SPAG16: variants seen among roughly 807,000 people sequenced by gnomAD.
SPAG16 encodes the protein sperm-associated antigen 16 protein.
Under a neutral mutation model 80.4 loss-of-function variants are expected in SPAG16, and 86 were observed. The ratio of observed to expected loss-of-function variants is 1.07; its 90% confidence interval spans 0.90 to 1.28. The LOEUF is 1.28. Ranked by LOEUF, SPAG16 falls within the 50% of genes most tolerant of loss-of-function variation. SPAG16 has a pLI of 0.00. For missense variants in SPAG16, 870 were observed against 765.3 expected (o/e 1.14, Z -1.61); for synonymous variants, 294 against 265.9 (o/e 1.11, Z -1.03).
At chr2:214,006,364 G>A (rs761933740) in intron 12 of SPAG16, among the ~76,000 whole-genome samples, 13 of 152,144 alleles carry the variant, frequency 8.5e-5, no homozygotes, top group Non-Finnish European at 1.9e-4. Context: ...CATATGTATG[G>A]GAGATGCATT....
intron 13 of SPAG16, among the ~76,000 whole-genome samples, chr2:214,050,958 C>T (rs1559736092): frequency 1.3e-5 from 2 of 152,192 alleles, no homozygotes; most frequent in Non-Finnish European, 2.9e-5. Flanking sequence ...TGAGTAGACT[C>T]AGAATGCAGA....
chr2:213,856,847 A>AGT (rs3045016), intron 10 of SPAG16, among the ~76,000 whole-genome samples: 52,058 of 151,894 alleles, frequency 0.34, 9,364 homozygotes, highest in South Asian at 0.47. Flanking sequence ...ATAACATAAA[A>AGT]GTATGGTGAA....
At chr2:214,167,166 T>C (rs1458445698) in intron 15 of SPAG16, among the ~76,000 whole-genome samples, 1 of 152,126 alleles carries the variant, frequency 6.6e-6, no homozygotes, top group Admixed American at 6.6e-5. Flanking sequence ...AACACTTACA[T>C]AGCATAATTC....
intron 10 of SPAG16, among the ~76,000 whole-genome samples, chr2:213,686,874 G>T (rs1327709557): frequency 6.6e-6 from 1 of 151,108 alleles, no homozygotes; most frequent in African/African-American, 2.4e-5. Context: ...TAGCAGAGGT[G>T]GGGTTTCACT....
chr2:213,905,978 A>G (rs2077413614), intron 11 of SPAG16, among the ~76,000 whole-genome samples: 1 of 152,198 alleles, frequency 6.6e-6, no homozygotes, highest in South Asian at 2.1e-4. Context: ...GCACATTGTA[A>G]TCAACTTTGA....
At chr2:213,928,597 A>G (rs999335008) in intron 11 of SPAG16, among the ~76,000 whole-genome samples, 1 of 152,192 alleles carries the variant, frequency 6.6e-6, no homozygotes, top group Admixed American at 6.5e-5. Context: ...TCTGTCAGAG[A>G]TGCCAGAAAC....
At chr2:213,496,143 C>G (rs1242015868) in intron 10 of SPAG16, among the ~76,000 whole-genome samples, 1 of 152,144 alleles carries the variant, frequency 6.6e-6, no homozygotes, top group Non-Finnish European at 1.5e-5. Context: ...TAGTTAGCAA[C>G]TATTTCAGTA....
At chr2:213,919,728 G>C (rs1218930657) in intron 11 of SPAG16, among the ~76,000 whole-genome samples, 1 of 152,178 alleles carries the variant, frequency 6.6e-6, no homozygotes, top group Non-Finnish European at 1.5e-5. Context: ...GTAGAGTTTA[G>C]AGTATGTGCA....
intron 15 of SPAG16, among the ~76,000 whole-genome samples, chr2:214,368,702 A>G (rs1370454971): frequency 6.6e-6 from 1 of 152,086 alleles, no homozygotes; most frequent in Admixed American, 6.6e-5. Flanking sequence ...AAGATGGTCC[A>G]TCTACTTTGA....
chr2:213,668,766 A>C (rs2063708575), intron 10 of SPAG16, among the ~76,000 whole-genome samples: 1 of 151,988 alleles, frequency 6.6e-6, no homozygotes, highest in Admixed American at 6.6e-5. Context: ...CTCCTGCCTG[A>C]ACCTCCTGAG....
chr2:213,802,020 T>C (rs921912094), intron 10 of SPAG16, among the ~76,000 whole-genome samples: 2 of 152,212 alleles, frequency 1.3e-5, no homozygotes, highest in Admixed American at 1.3e-4. Context: ...TACAACATTT[T>C]CAGGTCACCA....
At chr2:213,524,159 C>G (rs2075792235) in intron 10 of SPAG16, among the ~76,000 whole-genome samples, 1 of 152,160 alleles carries the variant, frequency 6.6e-6, no homozygotes, top group Non-Finnish European at 1.5e-5. Flanking sequence ...GCCATGGCTA[C>G]AAGAACCCAA....
intron 9 of SPAG16, among the ~76,000 whole-genome samples, chr2:213,403,641 G>T (rs1202965229): frequency 1.3e-5 from 2 of 152,082 alleles, no homozygotes; most frequent in Non-Finnish European, 2.9e-5. Context: ...CTTTGAAAAT[G>T]GGCACAAGAC....
intron 9 of SPAG16, among the ~76,000 whole-genome samples, chr2:213,479,195 A>G (rs967136482): frequency 6.7e-6 from 1 of 148,678 alleles, no homozygotes; most frequent in Non-Finnish European, 1.5e-5. Context: ...CTTCTTCTAA[A>G]TATCATCATG....
At chr2:213,552,492 T>C (rs1201977100) in intron 10 of SPAG16, among the ~76,000 whole-genome samples, 4 of 152,244 alleles carry the variant, frequency 2.6e-5, no homozygotes, top group Admixed American at 1.3e-4. Flanking sequence ...TATATGATTC[T>C]TCATTTTCTC....
intron 10 of SPAG16, among the ~76,000 whole-genome samples, chr2:213,669,816 C>A (rs531460068): frequency 2.0e-5 from 3 of 152,080 alleles, no homozygotes; most frequent in Non-Finnish European, 4.4e-5. Flanking sequence ...TGCTTCCACT[C>A]GTAAATTCTC....
chr2:213,490,073 T>C lies in SPAG16; in HGVS notation c.1053T>C (p.His351=). 4 of 1,594,264 alleles carry C rather than the reference T, an allele frequency of 2.5e-6. No homozygotes were observed. The highest frequency in any genetic ancestry group is 3.4e-6 in the Non-Finnish European group (4 of 1,171,854). ...AGCTGAAAAACATTTTTAGACTCCA[T>C]GAACTTCCAGTGAGCTGGTAGGATT... ...DYKLKNIFRL[H]ELPVSCVSMQ... is the part of the protein sequence containing the mutation. Residue 351 remains histidine (H), a synonymous_variant, in exon 10 of 16, where the codon CAT becomes CAC. Transcript: ENST00000331683.
chr2:213,928,116 G>A (rs1240896985), intron 11 of SPAG16, among the ~76,000 whole-genome samples: 1 of 152,022 alleles, frequency 6.6e-6, no homozygotes, highest in Admixed American at 6.6e-5. Flanking sequence ...TTGAGATGGA[G>A]TCGCAGTCCC....
rs147103084 is a variant in SPAG16, at chr2:214,349,738, A to C, written c.1721-60402A>C. On this transcript the variant is annotated intron_variant, in intron 15 of 15. Transcript: ENST00000331683. ...GTTCCAGTTATTCTCCTTCATATCA[A>C]AATGTAGTGTTGTCAATCTTTTTTG... Among the ~76,000 whole-genome samples the C allele has an allele frequency of 1.0e-3, 154 of 152,318 alleles. 1 individual carries two copies. In the South Asian group the frequency reaches 0.018, roughly 17 times the overall value.
Sources: gnomAD v4.1 joint callset for allele counts (sites outside exome capture counted in the v4.1 genomes callset) on GRCh38, gnomAD v4.1.1 for gene constraint, MANE v1.5 for transcripts, NCBI Gene and HGNC (gene_info 2026-07-23, HGNC 2026-07-21) for gene names.